The following MIR2052HG variants were observed in gnomAD, a reference collection of about 807,000 sequenced individuals.
The protein encoded by MIR2052HG is MIR2052 host gene.
intron 2 of MIR2052HG, among the ~76,000 whole-genome samples, chr8:74,677,788 G>A (rs1010743781): frequency 6.6e-6 from 1 of 151,800 alleles, no homozygotes; most frequent in Non-Finnish European, 1.5e-5. Context: ...AAATAAAGAA[G>A]AATAATAGAA....
chr8:74,680,035 TG>T (rs1366286330), intron 2 of MIR2052HG, among the ~76,000 whole-genome samples: 5 of 152,212 alleles, frequency 3.3e-5, no homozygotes, highest in Non-Finnish European at 7.3e-5. Context: ...ATCATATTAT[TG>T]TCAACTTGGA....
At chr8:74,709,303 A>T (rs1451259743) in intron 4 of MIR2052HG, among the ~76,000 whole-genome samples, 1 of 152,158 alleles carries the variant, frequency 6.6e-6, no homozygotes, top group Non-Finnish European at 1.5e-5. Flanking sequence ...GTTGAGCATC[A>T]GGAAGTAGAT....
chr8:74,626,131 C>CG (rs1439882262), intron 2 of MIR2052HG, among the ~76,000 whole-genome samples: 4 of 152,144 alleles, frequency 2.6e-5, no homozygotes, highest in Non-Finnish European at 5.9e-5. Context: ...GTGGGTGCCC[C>CG]GGGAGAACAG....
intron 4 of MIR2052HG, among the ~76,000 whole-genome samples, chr8:74,737,227 C>CCT (rs1228376656): frequency 1.3e-5 from 2 of 152,160 alleles, no homozygotes. Context: ...CTCACTTCAG[C>CCT]CTCTGGTTGG....
intron 4 of MIR2052HG, among the ~76,000 whole-genome samples, chr8:74,746,277 T>C (rs1396992367): frequency 3.3e-5 from 5 of 152,206 alleles, no homozygotes; most frequent in African/African-American, 1.2e-4. Context: ...GCATAGTCTC[T>C]AATTCTCTCA....
chr8:74,664,030 C>G (rs1808893694), intron 2 of MIR2052HG, among the ~76,000 whole-genome samples: 1 of 151,866 alleles, frequency 6.6e-6, no homozygotes, highest in Non-Finnish European at 1.5e-5. Flanking sequence ...GAATGGAAAA[C>G]CAAATACTGT....
intron 4 of MIR2052HG, among the ~76,000 whole-genome samples, chr8:74,714,616 T>G (rs1414406445): frequency 2.0e-5 from 3 of 152,156 alleles, no homozygotes; most frequent in African/African-American, 7.2e-5. Flanking sequence ...TGCTAGAATT[T>G]CAGGGTGTGA....
chr8:74,697,502 A>T (rs1027706768), intron 2 of MIR2052HG, among the ~76,000 whole-genome samples: 1 of 152,210 alleles, frequency 6.6e-6, no homozygotes, highest in Non-Finnish European at 1.5e-5. Context: ...AAAGAAAGAA[A>T]GAGCATCCAA....
intron 4 of MIR2052HG, among the ~76,000 whole-genome samples, chr8:74,711,568 T>C (rs1339972854): frequency 6.6e-6 from 1 of 152,180 alleles, no homozygotes; most frequent in Non-Finnish European, 1.5e-5. Context: ...ATGGGAGATA[T>C]AATGCCTGCT....
rs34347449 is a variant in MIR2052HG, at chr8:74,752,281, CAA to C, written n.372-140_372-139del. ...TGGGTGACAGAGTGAGATCCTGTCT[CAA>C]AAAAAAAAAAAAAAAAAAAGTATAG... On this transcript the variant is annotated intron_variant and non_coding_transcript_variant, in intron 4 of 6. Transcript: ENST00000523442. 1.9e-3 allele frequency among the ~76,000 whole-genome samples: 148 copies of C among 79,356 alleles called. 1 individual carries two copies. The highest frequency in any genetic ancestry group is 6.1e-3 in the East Asian group (19 of 3,126). 52.1% of individuals were successfully genotyped at this position (79,356 alleles called of 152,430 possible).
At chr8:74,631,345 A>G (rs1327534584) in intron 2 of MIR2052HG, among the ~76,000 whole-genome samples, 1 of 152,252 alleles carries the variant, frequency 6.6e-6, no homozygotes, top group Non-Finnish European at 1.5e-5. Flanking sequence ...GGTTTCTGGT[A>G]TAGAAGAATA....
chr8:74,667,009 T>A (rs1256948488), intron 2 of MIR2052HG, among the ~76,000 whole-genome samples: 1 of 152,178 alleles, frequency 6.6e-6, no homozygotes, highest in Non-Finnish European at 1.5e-5. Flanking sequence ...CCTCTTCATG[T>A]GATCTCTCCA....
intron 2 of MIR2052HG, among the ~76,000 whole-genome samples, chr8:74,656,455 A>T (rs1206689239): frequency 6.6e-6 from 1 of 152,170 alleles, no homozygotes; most frequent in African/African-American, 2.4e-5. Context: ...TTCTTGTGAT[A>T]GTGAATAAGT....
At chr8:74,715,662 A>T (rs537569111) in intron 4 of MIR2052HG, among the ~76,000 whole-genome samples, 1 of 152,308 alleles carries the variant, frequency 6.6e-6, no homozygotes, top group East Asian at 1.9e-4. Flanking sequence ...GTGTTTGCTC[A>T]ATCTCTTACT....
intron 4 of MIR2052HG, among the ~76,000 whole-genome samples, chr8:74,705,253 G>T (rs981356016): frequency 1.3e-5 from 2 of 151,880 alleles, no homozygotes; most frequent in African/African-American, 4.8e-5. Flanking sequence ...TTTTATGTTT[G>T]CCAAAACCCA....
intron 2 of MIR2052HG, among the ~76,000 whole-genome samples, chr8:74,698,436 C>T (rs1809323387): frequency 6.6e-6 from 1 of 152,186 alleles, no homozygotes; most frequent in Non-Finnish European, 1.5e-5. Context: ...CCCTTCTAGA[C>T]ATTGGCTTAG....
intron 2 of MIR2052HG, among the ~76,000 whole-genome samples, chr8:74,697,035 T>C (rs1809305190): frequency 6.6e-6 from 1 of 151,922 alleles, no homozygotes; most frequent in Non-Finnish European, 1.5e-5. Flanking sequence ...AAAAGAAAAC[T>C]ACAGACTAAT....
At chr8:74,603,899 CT>C (rs1808065447) in intron 1 of MIR2052HG, 15 of 1,104,658 alleles carry the variant, frequency 1.4e-5, no homozygotes, top group East Asian at 4.7e-5. Flanking sequence ...TTGCAACCAC[CT>C]TTTCCAATGA....
At chr8:74,750,817 A>G (rs1340351713) in intron 4 of MIR2052HG, among the ~76,000 whole-genome samples, 1 of 152,222 alleles carries the variant, frequency 6.6e-6, no homozygotes, top group Non-Finnish European at 1.5e-5. Flanking sequence ...TGAGGCTTCT[A>G]CATGCCATCA....
Sources: gnomAD v4.1 joint callset for allele counts (sites outside exome capture counted in the v4.1 genomes callset) on GRCh38, gnomAD v4.1.1 for gene constraint, MANE v1.5 for transcripts, NCBI Gene and HGNC (gene_info 2026-07-23, HGNC 2026-07-21) for gene names.